LUZP2: variants seen among roughly 807,000 people sequenced by gnomAD.
LUZP2 encodes the protein leucine zipper protein 2.
LUZP2 carries 52 observed loss-of-function variants against 51.6 expected under a neutral mutation model. The ratio of observed to expected loss-of-function variants is 1.01; its 90% CI spans 0.81 to 1.27. The LOEUF is 1.27. Among genes scored for constraint, LUZP2 ranks in the 50% most tolerant of loss-of-function variants. LUZP2 has a pLI of 0.00. For synonymous variants in LUZP2, 154 were observed against 137.3 expected (o/e 1.12, Z -0.85); for missense variants, 436 against 395.4 (o/e 1.10, Z -0.87).
At chr11:24,882,775 G>T (rs1051697939) in intron 5 of LUZP2, among the ~76,000 whole-genome samples, 1 of 110,556 alleles carries the variant, frequency 9.0e-6, no homozygotes. Context: ...TTAGTGCAAC[G>T]GGAGAAGGAA....
chr11:24,751,647 A>G (rs914858647), intron 4 of LUZP2: 2 of 860,494 alleles, frequency 2.3e-6, no homozygotes, highest in South Asian at 5.4e-5. Context: ...TTTTCTCCCC[A>G]GGACAGCAGC....
At chr11:24,962,375 C>T (rs1378301588) in intron 7 of LUZP2, among the ~76,000 whole-genome samples, 2 of 152,168 alleles carry the variant, frequency 1.3e-5, no homozygotes, top group Non-Finnish European at 2.9e-5. Flanking sequence ...AACTTGGTTC[C>T]ATTCTCCCCA....
At chr11:24,930,162 G>A (rs1431747120) in intron 7 of LUZP2, among the ~76,000 whole-genome samples, 1 of 152,124 alleles carries the variant, frequency 6.6e-6, no homozygotes, top group Non-Finnish European at 1.5e-5. Context: ...TAGATACTTG[G>A]TTGGTGAATG....
intron 1 of LUZP2, among the ~76,000 whole-genome samples, chr11:24,506,356 T>C (rs1170719263): frequency 6.6e-6 from 1 of 152,064 alleles, no homozygotes; most frequent in Non-Finnish European, 1.5e-5. Context: ...TGGGAAAGTC[T>C]CTGAATTATA....
At chr11:24,674,409 C>T (rs866294288) in intron 1 of LUZP2, among the ~76,000 whole-genome samples, 7 of 152,160 alleles carry the variant, frequency 4.6e-5, no homozygotes, top group Non-Finnish European at 1.0e-4. Context: ...CTTTTCCAGA[C>T]AAGTGTCCCA....
At chr11:24,773,547 T>TGGGC (rs1848815301) in intron 5 of LUZP2, among the ~76,000 whole-genome samples, 1 of 151,986 alleles carries the variant, frequency 6.6e-6, no homozygotes, top group African/African-American at 2.4e-5. Context: ...TGAGACAGAG[T>TGGGC]GGGCTGTTCA....
intron 7 of LUZP2, among the ~76,000 whole-genome samples, chr11:24,915,032 T>G (rs934733497): frequency 6.6e-6 from 1 of 152,114 alleles, no homozygotes; most frequent in Non-Finnish European, 1.5e-5. Flanking sequence ...TGTTGAAAAT[T>G]TTTATGACTT....
intron 4 of LUZP2, among the ~76,000 whole-genome samples, chr11:24,755,989 C>T (rs771744149): frequency 6.6e-6 from 1 of 152,104 alleles, no homozygotes; most frequent in East Asian, 1.9e-4. Context: ...TGATAAGAGA[C>T]GTTTGCCATC....
chr11:24,861,891 G>A (rs1307841291), intron 5 of LUZP2, among the ~76,000 whole-genome samples: 2 of 152,108 alleles, frequency 1.3e-5, no homozygotes, highest in African/African-American at 4.8e-5. Context: ...TCAGCTTCTG[G>A]TCAACATAAG....
intron 1 of LUZP2, among the ~76,000 whole-genome samples, chr11:24,608,050 C>T (rs1183832796): frequency 1.3e-5 from 2 of 151,992 alleles, no homozygotes; most frequent in East Asian, 3.9e-4. Flanking sequence ...GGGGTTTCAC[C>T]GTGTTATGCA....
intron 1 of LUZP2, among the ~76,000 whole-genome samples, chr11:24,510,486 C>A (rs544190405): frequency 6.6e-6 from 1 of 152,238 alleles, no homozygotes; most frequent in African/African-American, 2.4e-5. Context: ...TCCCAAATTA[C>A]AATGCCTTAA....
In LUZP2 at chr11:24,500,019, G is replaced by T. The variant is rs1273197300; in HGVS notation, c.62+2714G>T. Among the ~76,000 whole-genome samples the T allele has an allele frequency of 2.6e-5, 4 of 152,084 alleles. No homozygotes were observed. In the East Asian group the frequency reaches 7.7e-4, roughly 29 times the overall value. On this transcript the variant is annotated intron_variant, in intron 1 of 11. Transcript: ENST00000336930. ...AGAAAACAATCCTGCCTTTTAAATA[G>T]ACATTTTTGAATAGCTTTCTCTTTT...
chr11:24,603,007 CAT>C (rs572756009), intron 1 of LUZP2, among the ~76,000 whole-genome samples: 5 of 151,860 alleles, frequency 3.3e-5, no homozygotes, highest in Admixed American at 6.6e-5. Context: ...ATAATGTACA[CAT>C]GTTACTGTGA....
At chr11:24,869,594 T>C (rs1000239611) in intron 5 of LUZP2, among the ~76,000 whole-genome samples, 4 of 152,038 alleles carry the variant, frequency 2.6e-5, no homozygotes, top group African/African-American at 4.8e-5. Context: ...GTAGCTGGGA[T>C]TACAGGGTCC....
intron 9 of LUZP2, among the ~76,000 whole-genome samples, chr11:24,998,414 C>G (rs1023266763): frequency 3.9e-5 from 6 of 152,000 alleles, no homozygotes; most frequent in South Asian, 2.1e-4. Flanking sequence ...TGATTTGGCT[C>G]TCTGTTTGTC....
Position 24,500,728 on chromosome 11 carries a change from A to G in LUZP2, c.62+3423A>G, listed in dbSNP as rs143369205. ...CATGGCAGGGGAGGAGTGAAGGTCT[A>G]TTGACTTCTGGTGGTTTTCCATGAA... On this transcript the variant is annotated intron_variant, in intron 1 of 11. Coordinates refer to ENST00000336930, the MANE Select transcript of LUZP2 (RefSeq NM_001009909.4). Among the ~76,000 whole-genome samples the G allele has an allele frequency of 8.7e-3, 1,323 of 152,256 alleles. 17 individuals are homozygous for G. The highest frequency in any genetic ancestry group is 0.041 in the Middle Eastern group (12 of 294).
chr11:24,807,593 G>T (rs1442869445), intron 5 of LUZP2, among the ~76,000 whole-genome samples: 1 of 152,100 alleles, frequency 6.6e-6, no homozygotes, highest in Non-Finnish European at 1.5e-5. Context: ...ATGAATAGTT[G>T]TGTAGAAATG....
At chr11:24,507,448 A>G (rs1850177135) in intron 1 of LUZP2, among the ~76,000 whole-genome samples, 1 of 152,072 alleles carries the variant, frequency 6.6e-6, no homozygotes, top group Non-Finnish European at 1.5e-5. Context: ...TGCTTTTATC[A>G]GTCAATTTAA....
intron 9 of LUZP2, among the ~76,000 whole-genome samples, chr11:24,987,518 CT>C (rs1235270669): frequency 6.6e-6 from 1 of 151,872 alleles, no homozygotes; most frequent in East Asian, 1.9e-4. Flanking sequence ...ATTACTGTTT[CT>C]TTTCTTTTTC....
Sources: allele counts gnomAD v4.1 joint callset (sites outside exome capture counted in the v4.1 genomes callset), GRCh38; gene constraint gnomAD v4.1.1; transcripts MANE v1.5; gene names NCBI Gene and HGNC (gene_info 2026-07-23, HGNC 2026-07-21).